SCARA3: variants seen among roughly 807,000 people sequenced by gnomAD.
SCARA3 encodes the protein scavenger receptor class A member 3, also known as cellular stress response gene protein.
Under a neutral mutation model 47.0 loss-of-function variants are expected in SCARA3, and 39 were observed. The observed-to-expected ratio is 0.83, with a 90% CI of 0.64 to 1.08. The LOEUF (loss-of-function observed/expected upper bound fraction) is 1.08. Among genes scored for constraint, SCARA3 ranks in the 50% least tolerant of loss-of-function variants. The pLI, the probability that SCARA3 is intolerant of heterozygous loss-of-function variation, is 0.00. For missense variants in SCARA3, 724 were observed against 792.3 expected (o/e 0.91, Z 1.04); for synonymous variants, 356 against 334.1 (o/e 1.07, Z -0.71).
intron 5 of SCARA3, among the ~76,000 whole-genome samples, chr8:27,661,661 G>A (rs1801915892): frequency 6.6e-6 from 1 of 152,256 alleles, no homozygotes; most frequent in African/African-American, 2.4e-5. Flanking sequence ...CATTGGTCAC[G>A]TGGTTGTAGC....
chr8:27,719,077 G>C, the SCARA3 span, among the ~76,000 whole-genome samples: 2 of 152,148 alleles, frequency 1.3e-5, no homozygotes, highest in African/African-American at 4.8e-5. Flanking sequence ...TTAAGAACGT[G>C]GAGGTTTTGA....
intron 5 of SCARA3, among the ~76,000 whole-genome samples, chr8:27,664,093 A>G (rs1801966633): frequency 6.6e-6 from 1 of 152,198 alleles, no homozygotes; most frequent in Admixed American, 6.5e-5. Context: ...AATTTCACTG[A>G]GGTGGAAGGC....
Position 27,659,436 on chromosome 8 carries a change from C to T in SCARA3, c.1266C>T (p.Ala422=), listed in dbSNP as rs1052454162. ...GGGAGCGCTTCAGCCTGCTCAGTGC[C>T]CGGCTGGACCTCAACGTCCGGAACC... is the stretch of plus-strand genomic sequence containing the variant. ...LLRERFSLLS[A]RLDLNVRNLS... Residue 422 remains alanine, a synonymous_variant, in exon 5 of 6, where the codon GCC becomes GCT. Transcript: ENST00000301904. 2 of 1,613,828 alleles carry T rather than the reference C, an allele frequency of 1.2e-6. No individual in the cohort carries two copies. Among genetic ancestry groups the T allele is most frequent in the Non-Finnish European group, 1.7e-6 (2 of 1,179,878 alleles).
chr8:27,648,426 A>T (rs530445341), intron 1 of SCARA3, among the ~76,000 whole-genome samples: 11 of 152,276 alleles, frequency 7.2e-5, no homozygotes, highest in African/African-American at 2.6e-4. Context: ...AACATGGTGA[A>T]ACCTCGTTTC....
At chr8:27,698,098 C>T in the SCARA3 span, among the ~76,000 whole-genome samples, 1 of 152,118 alleles carries the variant, frequency 6.6e-6, no homozygotes, top group African/African-American at 2.4e-5. Context: ...GAGAGGAAAA[C>T]AAAGACATTT....
At chr8:27,680,558 T>C (rs1483265787), downstream of SCARA3, among the ~76,000 whole-genome samples, 1 of 152,116 alleles carries the variant, frequency 6.6e-6, no homozygotes, top group Non-Finnish European at 1.5e-5. Flanking sequence ...TAGTTTAAAA[T>C]TTTTTCCTAA....
chr8:27,651,024 A>G (rs1801620755), intron 2 of SCARA3, among the ~76,000 whole-genome samples: 1 of 152,192 alleles, frequency 6.6e-6, no homozygotes, highest in Admixed American at 6.5e-5. Context: ...TGTACCCGGC[A>G]GGCTTTCAGT....
the SCARA3 span, among the ~76,000 whole-genome samples, chr8:27,717,668 C>T: frequency 6.6e-6 from 1 of 151,974 alleles, no homozygotes; most frequent in East Asian, 1.9e-4. Context: ...GCCTGTAGTC[C>T]CAGCTACTCG....
chr8:27,714,524 G>A, the SCARA3 span, among the ~76,000 whole-genome samples: 1 of 152,104 alleles, frequency 6.6e-6, no homozygotes, highest in African/African-American at 2.4e-5. Context: ...CACAAGAGTG[G>A]CCTAACACAG....
intron 4 of SCARA3, among the ~76,000 whole-genome samples, chr8:27,657,275 CT>C (rs201621117): frequency 1.3e-5 from 2 of 150,788 alleles, no homozygotes; most frequent in East Asian, 1.9e-4. Flanking sequence ...TTTCTTTTTT[CT>C]TTTTTTTTAA....
At chr8:27,673,854 C>T (rs992820192), downstream of SCARA3, among the ~76,000 whole-genome samples, 2 of 152,204 alleles carry the variant, frequency 1.3e-5, no homozygotes, top group Admixed American at 6.5e-5. Context: ...TCTCATTTCA[C>T]GCTCCCTGAA....
chr8:27,720,745 C>CATCCATTCATCCACGTATTT, the SCARA3 span, among the ~76,000 whole-genome samples: 157 of 152,052 alleles, frequency 1.0e-3, no homozygotes, highest in African/African-American at 3.6e-3. Flanking sequence ...TCCACTCGTC[C>CATCCATTCATCCACGTATTT]ATCCATTCAT....
chr8:27,638,448 G>T (rs1409218093), intron 1 of SCARA3, among the ~76,000 whole-genome samples: 1 of 152,000 alleles, frequency 6.6e-6, no homozygotes, highest in African/African-American at 2.4e-5. Context: ...CCTCATCCAG[G>T]TGGACCAGAT....
intron 5 of SCARA3, among the ~76,000 whole-genome samples, chr8:27,662,717 C>T (rs1801937086): frequency 6.6e-6 from 1 of 152,234 alleles, no homozygotes; most frequent in African/African-American, 2.4e-5. Context: ...GTGTTGGTTT[C>T]TGCCACAGCA....
At chr8:27,705,056 T>C in the SCARA3 span, among the ~76,000 whole-genome samples, 16 of 152,254 alleles carry the variant, frequency 1.1e-4, no homozygotes, top group African/African-American at 3.9e-4. Context: ...CCACAGCTCA[T>C]TAAGGGAGCA....
intron 1 of SCARA3, among the ~76,000 whole-genome samples, chr8:27,642,054 T>C (rs1402100174): frequency 6.6e-6 from 1 of 152,058 alleles, no homozygotes; most frequent in African/African-American, 2.4e-5. Context: ...GGGCTTATTA[T>C]TTTTTTTGGC....
At chr8:27,650,657 A>G (rs1382996961) in intron 2 of SCARA3, among the ~76,000 whole-genome samples, 1 of 152,208 alleles carries the variant, frequency 6.6e-6, no homozygotes, top group Non-Finnish European at 1.5e-5. Flanking sequence ...CACCTTAGGA[A>G]TTCGCAGCTG....
chr8:27,672,708 C>G lies in SCARA3; in HGVS notation c.*1357C>G. 1 of 985,690 alleles carries G rather than the reference C, an allele frequency of 1.0e-6. No homozygotes were observed. The highest frequency in any genetic ancestry group is 1.2e-6 in the Non-Finnish European group (1 of 830,124). 61.1% of individuals were successfully genotyped at this position (985,690 alleles called of 1,614,324 possible). ...CTGCACACACTGGCAGAGAGGGGCG[C>G]TGGGAAATCACCCCACAGGGTGGAG... On this transcript the variant is annotated 3_prime_UTR_variant, in exon 6 of 6. Coordinates refer to ENST00000301904, the MANE Select transcript of SCARA3 (RefSeq NM_016240.3).
the SCARA3 span, chr8:27,703,892 C>A: frequency 3.7e-5 from 4 of 108,418 alleles, no homozygotes; most frequent in African/African-American, 1.0e-4. Flanking sequence ...GAAAAAAATA[C>A]CTGTGGGGAA....
Sources: allele counts gnomAD v4.1 joint callset (sites outside exome capture counted in the v4.1 genomes callset), GRCh38; gene constraint gnomAD v4.1.1; transcripts MANE v1.5; gene names NCBI Gene and HGNC (gene_info 2026-07-23, HGNC 2026-07-21).